Variants in JPH3 observed in about 807,000 individuals in gnomAD.
JPH3 encodes the protein junctophilin 3.
A neutral mutation model predicts 59.6 loss-of-function variants in JPH3; 11 were observed. The observed-to-expected ratio is 0.18, with a 90% confidence interval of 0.12 to 0.31. The LOEUF (loss-of-function observed/expected upper bound fraction) is 0.31, where lower values mean the gene tolerates loss of function less well. Among genes scored for constraint, JPH3 ranks in the 10% least tolerant of loss-of-function variants. JPH3 has a pLI of 1.00. For missense variants in JPH3, 1,202 were observed against 1,105.7 expected, an observed-to-expected ratio of 1.09 and a Z score of -1.24; for synonymous variants, 673 against 483.6, an observed-to-expected ratio of 1.39 and a Z score of -5.14.
intron 2 of JPH3, among the ~76,000 whole-genome samples, chr16:87,670,155 C>T (rs1193468344): frequency 6.6e-6 from 1 of 152,154 alleles, no homozygotes; most frequent in Non-Finnish European, 1.5e-5. Context: ...GAGGCGGGGT[C>T]TGCACCGGCC....
At chr16:87,620,480 A>AGAGAGG (rs2031141866) in intron 1 of JPH3, among the ~76,000 whole-genome samples, 1 of 106,842 alleles carries the variant, frequency 9.4e-6, no homozygotes, top group Non-Finnish European at 1.9e-5. Context: ...GAAGGAGAGA[A>AGAGAGG]GAGAGGGAGA....
rs114596342 is a variant in JPH3, at chr16:87,640,049, G to C, written c.383-4209G>C. Among the ~76,000 whole-genome samples the C allele has an allele frequency of 5.6e-3, 849 of 152,292 alleles. 11 individuals are homozygous for C. The highest frequency in any genetic ancestry group is 0.019 in the African/African-American group (808 of 41,578). On this transcript the variant is annotated intron_variant, in intron 1 of 4. Transcript: ENST00000284262. ...TGCGGGGGCAGCCCACCTTCCTGGA[G>C]TTCCAGCTGAGGGGGGGCCCAATTT...
Position 87,611,424 on chromosome 16 carries a change from C to T in JPH3, c.382+7896C>T, listed in dbSNP as rs1448969901. 6.6e-6 allele frequency among the ~76,000 whole-genome samples: 1 copy of T among 152,066 alleles called. No homozygotes were observed. Among genetic ancestry groups the T allele is most frequent in the Non-Finnish European group, 1.5e-5 (1 of 68,016 alleles). On this transcript the variant is annotated intron_variant, in intron 1 of 4. Transcript: ENST00000284262. This position sits in a 1 kb window ranked among gnomAD's most constrained non-coding sequence, Gnocchi z 4.5. ...CTGAGGCTGCAGATTTGTTCGAGGC[C>T]ATGTCTCCCTCAGCCTCAGCTTCCC...
intron 2 of JPH3, among the ~76,000 whole-genome samples, chr16:87,651,204 C>G (rs570732751): frequency 6.6e-6 from 1 of 152,116 alleles, no homozygotes; most frequent in Non-Finnish European, 1.5e-5. Context: ...AGTTTTAAGC[C>G]CAGTGTTGTG....
chr16:87,658,325 G>C (rs1448752310), intron 2 of JPH3, among the ~76,000 whole-genome samples: 1 of 152,088 alleles, frequency 6.6e-6, no homozygotes, highest in African/African-American at 2.4e-5. Context: ...GTTAGGACAG[G>C]AATTTTCTCT....
intron 2 of JPH3, among the ~76,000 whole-genome samples, chr16:87,650,079 C>T (rs2032282990): frequency 6.6e-6 from 1 of 152,212 alleles, no homozygotes; most frequent in Non-Finnish European, 1.5e-5. Context: ...TTGTGCTTTG[C>T]AGACGCTGTG....
At chr16:87,691,070 G>A (rs966816995) in intron 4 of JPH3, among the ~76,000 whole-genome samples, 1 of 147,756 alleles carries the variant, frequency 6.8e-6, no homozygotes, top group African/African-American at 2.6e-5. Context: ...GCAACTCACC[G>A]TCAGCCTCAC....
At position 87,673,237 on chromosome 16, in the gene JPH3, C is replaced by T. The variant is rs571188568; in HGVS notation, c.1161-10905C>T. ...CTACAAATCGACAAGAAAAAAAAAT[C>T]AACCGCACTCTTAATAACAGAAATG... On this transcript the variant is annotated intron_variant, in intron 2 of 4. Coordinates refer to ENST00000284262, the MANE Select transcript of JPH3 (RefSeq NM_020655.4). Among the ~76,000 whole-genome samples the T allele has an allele frequency of 5.3e-5, 8 of 151,448 alleles. No homozygotes were observed. The South Asian group carries it at 1.7e-3, about 32-fold the overall frequency.
intron 1 of JPH3, among the ~76,000 whole-genome samples, chr16:87,636,197 G>T (rs1269605336): frequency 1.3e-5 from 2 of 152,138 alleles, no homozygotes; most frequent in African/African-American, 4.8e-5. Flanking sequence ...CACAGCCTTG[G>T]ATCTTGACCT....
intron 1 of JPH3, among the ~76,000 whole-genome samples, chr16:87,632,856 G>A (rs934111077): frequency 2.6e-5 from 4 of 151,320 alleles, no homozygotes; most frequent in African/African-American, 9.7e-5. Flanking sequence ...TCATGCCACT[G>A]CACTCCAGCC....
chr16:87,622,680 G>A (rs866221006), intron 1 of JPH3, among the ~76,000 whole-genome samples: 1 of 151,056 alleles, frequency 6.6e-6, no homozygotes, highest in Non-Finnish European at 1.5e-5. Flanking sequence ...AGGAGCTGAG[G>A]GTGCATGGGG....
chr16:87,675,942 C>T (rs2033132403), intron 2 of JPH3, among the ~76,000 whole-genome samples: 1 of 152,230 alleles, frequency 6.6e-6, no homozygotes, highest in Non-Finnish European at 1.5e-5. Flanking sequence ...AAATGTTTTC[C>T]ATGAAACAAC....
rs1159389167 is a variant in JPH3 at position 87,602,793 on chromosome 16, C to A, written c.-354C>A. On this transcript the variant is annotated 5_prime_UTR_variant, in exon 1 of 5. Coordinates refer to ENST00000284262, the MANE Select transcript of JPH3 (RefSeq NM_020655.4). ...CGCGGCGCCCTCCCCGCGGGGCTGC[C>A]GGCGAGGGGCCCTCTCGCCGCTGAG... 7.5e-6 allele frequency: 1 copy of A among 134,068 alleles called. No homozygotes were observed. Among genetic ancestry groups the A allele is most frequent in the Non-Finnish European group, 1.6e-5 (1 of 61,146 alleles). 8.3% of individuals were successfully genotyped at this position (134,068 alleles called of 1,614,324 possible).
Position 87,643,333 on chromosome 16 carries a change from A to G in JPH3, c.383-925A>G, listed in dbSNP as rs989527954. Among the ~76,000 whole-genome samples, 4 of 152,174 alleles carry G rather than the reference A, an allele frequency of 2.6e-5. No individual in the cohort carries two copies. In the East Asian group the frequency reaches 7.7e-4, roughly 29 times the overall value. On this transcript the variant is annotated intron_variant, in intron 1 of 4. Coordinates refer to ENST00000284262, the MANE Select transcript of JPH3 (RefSeq NM_020655.4). ...TGCCTTTCCCTTTCCAGCCATGGAA[A>G]CAGTGCTGCTGAGAACCCAGGTGCA...
chr16:87,631,032 T>TA (rs1306109381), intron 1 of JPH3, among the ~76,000 whole-genome samples: 11 of 152,340 alleles, frequency 7.2e-5, no homozygotes, highest in African/African-American at 2.6e-4. Flanking sequence ...TCAGTTGCAA[T>TA]TTTCTTTAAA....
intron 1 of JPH3, among the ~76,000 whole-genome samples, chr16:87,622,683 G>A (rs2031230874): frequency 6.6e-6 from 1 of 152,144 alleles, no homozygotes; most frequent in Non-Finnish European, 1.5e-5. Flanking sequence ...AGCTGAGGGT[G>A]CATGGGGTCT....
intron 4 of JPH3, chr16:87,695,727 T>C (rs779417816): frequency 2.2e-5 from 9 of 418,482 alleles, no homozygotes; most frequent in South Asian, 1.4e-4. Context: ...ACGCTCCCTC[T>C]CCCCCTGCCT....
intron 2 of JPH3, among the ~76,000 whole-genome samples, chr16:87,677,650 C>T (rs997873819): frequency 6.6e-6 from 1 of 152,188 alleles, no homozygotes; most frequent in African/African-American, 2.4e-5. Context: ...CATACCTTCT[C>T]GCCAGCTGAC....
chr16:87,651,861 C>T (rs1427599896), intron 2 of JPH3, among the ~76,000 whole-genome samples: 1 of 152,248 alleles, frequency 6.6e-6, no homozygotes, highest in Non-Finnish European at 1.5e-5. Flanking sequence ...GGATTGACTC[C>T]AGTTTCCAAT....
Sources: allele counts gnomAD v4.1 joint callset (sites outside exome capture counted in the v4.1 genomes callset), GRCh38; gene constraint gnomAD v4.1.1; non-coding constraint Gnocchi (gnomAD v3.1); transcripts MANE v1.5; gene names NCBI Gene and HGNC (gene_info 2026-07-23, HGNC 2026-07-21).